The following ELP3 variants were observed in gnomAD, a reference collection of about 807,000 sequenced individuals.
ELP3 encodes the protein elongator complex protein 3.
Under a neutral mutation model 74.9 loss-of-function variants are expected in ELP3, and 56 were observed. The ratio of observed to expected loss-of-function variants is 0.75; its 90% confidence interval spans 0.60 to 0.93. ELP3 has a LOEUF of 0.93. ELP3 is among the 40% of genes least tolerant of loss of function. The probability of loss-of-function intolerance (pLI) is 0.00; values close to 1 mark genes in which losing one functional copy is unlikely to be tolerated. For missense variants in ELP3, 573 were observed against 686.5 expected (o/e 0.83, Z 1.85); for synonymous variants, 222 against 239.8 (o/e 0.93, Z 0.68).
At chr8:28,164,081 CAAATTTA>C (rs1814212407) in intron 14 of ELP3, among the ~76,000 whole-genome samples, 1 of 152,176 alleles carries the variant, frequency 6.6e-6, no homozygotes, top group Non-Finnish European at 1.5e-5. Context: ...GGAACCTAAT[CAAATTTA>C]AAATGGAAGA....
At chr8:28,095,068 T>G (rs1811201601) in intron 1 of ELP3, among the ~76,000 whole-genome samples, 1 of 152,238 alleles carries the variant, frequency 6.6e-6, no homozygotes, top group African/African-American at 2.4e-5. Flanking sequence ...TGTTCTTTAT[T>G]ACACCCTGTT....
intron 5 of ELP3, among the ~76,000 whole-genome samples, chr8:28,109,378 A>G (rs1308826123): frequency 2.6e-5 from 4 of 152,140 alleles, no homozygotes; most frequent in Non-Finnish European, 4.4e-5. Flanking sequence ...TTTAAAATAC[A>G]AGAGGAATGA....
intron 2 of ELP3, 36 bp from the exon 3 acceptor site, chr8:28,099,792 C>T (rs761986195): frequency 3.7e-6 from 6 of 1,612,876 alleles, no homozygotes; most frequent in African/African-American, 2.7e-5. Context: ...CCTTAAATAA[C>T]CGTAATCTTG....
chr8:28,116,164 C>G (rs4732623), intron 7 of ELP3, among the ~76,000 whole-genome samples: 79,999 of 151,902 alleles, frequency 0.53, 21,895 homozygotes, highest in East Asian at 0.89. Context: ...CCCCCTACCC[C>G]CTTAACTTCC....
chr8:28,095,073 CCTGTTAGAAAG>C lies in ELP3; in HGVS notation c.19+1844_19+1854del, dbSNP rs564042011. On this transcript the variant is annotated intron_variant, in intron 1 of 14. Coordinates refer to ENST00000256398, the MANE Select transcript of ELP3 (RefSeq NM_018091.6). ...CCCTGTAATCTGTTCTTTATTACAC[CCTGTTAGAAAG>C]CTGGATTTTAGTTAGGCTGTGCTGT... is the stretch of plus-strand genomic sequence containing the variant. 7.9e-4 allele frequency among the ~76,000 whole-genome samples: 120 copies of C among 152,246 alleles called. 1 individual carries two copies. In the East Asian group the frequency reaches 0.018, roughly 23 times the overall value.
rs192049053 is a variant in ELP3, at chr8:28,169,433, G to T, written c.1567+7355G>T. ...GGCCTCAGCTGGGGTGGCTTAAATG[G>T]CAGCCAGTTGGCTGGGATGGTGTGT... On this transcript the variant is annotated intron_variant, in intron 14 of 14. Transcript: ENST00000256398. Among the ~76,000 whole-genome samples the T allele has an allele frequency of 1.0e-3, 159 of 152,256 alleles. 2 individuals are homozygous for T. Among genetic ancestry groups the T allele is most frequent in the African/African-American group, 3.7e-3 (154 of 41,560 alleles).
chr8:28,134,845 T>G (rs1812920134), intron 9 of ELP3, among the ~76,000 whole-genome samples: 1 of 152,176 alleles, frequency 6.6e-6, no homozygotes, highest in Non-Finnish European at 1.5e-5. Context: ...CCAAGTGCCT[T>G]TTGTTTTCTT....
At chr8:28,142,316 C>T (rs1212808630) in intron 10 of ELP3, among the ~76,000 whole-genome samples, 1 of 152,268 alleles carries the variant, frequency 6.6e-6, no homozygotes, top group Admixed American at 6.5e-5. Flanking sequence ...GATATGACCC[C>T]GTTACACTTA....
intron 2 of ELP3, among the ~76,000 whole-genome samples, chr8:28,098,688 T>G (rs997928429): frequency 6.6e-6 from 1 of 152,254 alleles, no homozygotes; most frequent in African/African-American, 2.4e-5. Flanking sequence ...TCCAAGTTTT[T>G]AAACCTCTGT....
chr8:28,166,995 G>T (rs73668164), intron 14 of ELP3, among the ~76,000 whole-genome samples: 4,221 of 152,314 alleles, frequency 0.028, 212 homozygotes, highest in African/African-American at 0.097. Context: ...CATTGGCCAA[G>T]AATCGTACAA....
chr8:28,136,225 G>A (rs1413221770), intron 9 of ELP3, among the ~76,000 whole-genome samples: 1 of 152,190 alleles, frequency 6.6e-6, no homozygotes, highest in Admixed American at 6.5e-5. Flanking sequence ...GCCTCCCAAC[G>A]TGCTGGGATT....
At chr8:28,093,108 C>A, upstream of ELP3, 1 of 1,553,156 alleles carries the variant, frequency 6.4e-7, no homozygotes, top group South Asian at 1.2e-5. Flanking sequence ...ATACATTGAC[C>A]GACATTTTAC....
chr8:28,164,148 A>T (rs751223603), intron 14 of ELP3, among the ~76,000 whole-genome samples: 18 of 152,152 alleles, frequency 1.2e-4, no homozygotes, highest in Non-Finnish European at 2.4e-4. Context: ...CCTTTATGAC[A>T]TCTGTGTCTT....
intron 14 of ELP3, among the ~76,000 whole-genome samples, chr8:28,182,073 T>C (rs934077392): frequency 2.6e-5 from 4 of 152,194 alleles, no homozygotes; most frequent in Non-Finnish European, 5.9e-5. Context: ...AAAGGTATAC[T>C]TATTTTTAGT....
chr8:28,124,997 C>T (rs1036044743), intron 7 of ELP3, among the ~76,000 whole-genome samples: 2 of 152,198 alleles, frequency 1.3e-5, no homozygotes, highest in African/African-American at 4.8e-5. Flanking sequence ...AATCCTCAAG[C>T]ACATCAAACA....
chr8:28,095,760 T>C (rs1811228106), intron 1 of ELP3, among the ~76,000 whole-genome samples: 1 of 152,222 alleles, frequency 6.6e-6, no homozygotes, highest in Non-Finnish European at 1.5e-5. Flanking sequence ...TAAAATGGGA[T>C]AACAGTACCT....
chr8:28,106,046 A>G (rs1811673532), intron 3 of ELP3, among the ~76,000 whole-genome samples: 1 of 152,166 alleles, frequency 6.6e-6, no homozygotes, highest in Non-Finnish European at 1.5e-5. Context: ...GCTTAAAGAA[A>G]TTTTTTTCTT....
Position 28,099,917 on chromosome 8 carries a change from A to G in ELP3, c.209A>G (p.Lys70Arg), listed in dbSNP as rs752125636. ...GCTGCCGTCCCTCCTCAGTATCGCAAGGTCTTGATGCCCAAGTTAAAGGCG... is the reference window on the plus strand; with the variant it reads ...GCTGCCGTCCCTCCTCAGTATCGCAGGGTCTTGATGCCCAAGTTAAAGGCG... ...IIAAVPPQYR[K>R]VLMPKLKAKP... The change falls in exon 3 of 15, where the codon AAG (lysine) becomes AGG (arginine). Residue 70 changes from lysine to arginine, a missense_variant. By Grantham distance (26) the Lys-to-Arg change is conservative. Coordinates refer to ENST00000256398, the MANE Select transcript of ELP3 (RefSeq NM_018091.6). The G allele has an allele frequency of 1.6e-5, 26 of 1,614,204 alleles. No homozygotes were observed. Among genetic ancestry groups the G allele is most frequent in the Non-Finnish European group, 2.1e-5 (25 of 1,180,038 alleles).
At chr8:28,154,974 A>T (rs1366589947) in intron 10 of ELP3, among the ~76,000 whole-genome samples, 1 of 152,204 alleles carries the variant, frequency 6.6e-6, no homozygotes, top group Non-Finnish European at 1.5e-5. Flanking sequence ...TTTAAAGCTA[A>T]TCGATTGGCT....
Sources: gnomAD v4.1 joint callset for allele counts (sites outside exome capture counted in the v4.1 genomes callset) on GRCh38, gnomAD v4.1.1 for gene constraint, MANE v1.5 for transcripts, NCBI Gene and HGNC (gene_info 2026-07-23, HGNC 2026-07-21) for gene names.